Variants in PATJ observed in about 807,000 individuals in gnomAD.
The protein encoded by PATJ is PATJ crumbs cell polarity complex component, also known as inaD-like protein.
PATJ carries 190 observed loss-of-function variants against 224.9 expected under a neutral mutation model. The observed-to-expected ratio is 0.84, with a 90% CI of 0.75 to 0.95. PATJ has a LOEUF of 0.95. Among genes scored for constraint, PATJ ranks in the 40% least tolerant of loss-of-function variants. PATJ has a pLI of 0.00. For missense variants in PATJ, 2,121 were observed against 2,270.3 expected (o/e 0.93, Z 1.34); for synonymous variants, 769 against 820.3 (o/e 0.94, Z 1.07).
chr1:62,153,422 G>A lies in PATJ; in HGVS notation c.5443G>A (p.Gly1815Arg). The A allele has an allele frequency of 8.1e-7, 1 of 1,231,484 alleles. No individual in the cohort carries two copies. The highest frequency in any genetic ancestry group is 1.0e-6 in the Non-Finnish European group (1 of 987,378). The allele number at this position is 1,231,484 out of a possible 1,614,324, so 76.3% of individuals were successfully genotyped here. Residue 1815 changes from glycine (G) to arginine (R), a missense_variant, in exon 43 of 44, where the codon GGG (glycine) becomes AGG (arginine). By Grantham distance (125) the Gly-to-Arg change is moderately radical. Transcript: ENST00000642238. ...TGAAGGCTTGGGGTTTAGTATTGTA[G>A]GGGGTTATGGAAGTCCCCATGGAGA... ...GSEGLGFSIVGGYGSPHGDLP... is the reference protein window; with the variant it reads ...GSEGLGFSIVRGYGSPHGDLP...
intron 32 of PATJ, among the ~76,000 whole-genome samples, chr1:62,082,710 C>T (rs1659433136): frequency 6.6e-6 from 1 of 152,096 alleles, no homozygotes. Flanking sequence ...GTTTGTGTTC[C>T]AATACGACTT....
chr1:61,766,394 C>T lies in PATJ; in HGVS notation c.305C>T (p.Ser102Leu), dbSNP rs190078763. 42 of 1,612,292 alleles carry T rather than the reference C, an allele frequency of 2.6e-5. No homozygotes were observed. The highest frequency in any genetic ancestry group is 2.1e-4 in the African/African-American group (16 of 74,922). The stretch of plus-strand genomic sequence containing the variant: ...AATGTCCACAGGCCCTCTAATAACT[C>T]GACTGTATCTGGGTTATTTCCGTGG... ...NGNVHRPSNNSTVSGLFPWTP... is the reference protein window; with the variant it reads ...NGNVHRPSNNLTVSGLFPWTP... The change falls in exon 4 of 44, where the codon TCG (serine) becomes TTG (leucine). Residue 102 changes from serine (S) to leucine (L), a missense_variant. Ser to Leu is a moderately radical substitution (Grantham distance 145). Transcript: ENST00000642238.
In PATJ at chr1:62,022,518, TG is replaced by T. The variant is rs535045726; in HGVS notation, c.3959+4572del. 8.8e-4 allele frequency among the ~76,000 whole-genome samples: 134 copies of T among 152,296 alleles called. 2 individuals are homozygous for T. The South Asian group carries it at 0.023, about 26-fold the overall frequency. On this transcript the variant is annotated intron_variant, in intron 29 of 43. Transcript: ENST00000642238. ...CGTGTTTGGCATTCTCCCCTTCATGTGAGCACACCAATTTAAGTACAAGAGG... is the reference window on the plus strand; with the variant it reads ...CGTGTTTGGCATTCTCCCCTTCATGTAGCACACCAATTTAAGTACAAGAGG...
At chr1:61,769,105 T>G (rs1036795951) in intron 4 of PATJ, among the ~76,000 whole-genome samples, 178 bp from the exon 5 acceptor site, 1 of 152,180 alleles carries the variant, frequency 6.6e-6, no homozygotes, top group African/African-American at 2.4e-5. Flanking sequence ...CACTCTCTCT[T>G]ACGTTCTACT....
chr1:62,024,941 T>A (rs1225194013), intron 29 of PATJ, among the ~76,000 whole-genome samples: 1 of 152,138 alleles, frequency 6.6e-6, no homozygotes, highest in Non-Finnish European at 1.5e-5. Flanking sequence ...GCTACATCAT[T>A]CTGTTTCCTA....
Position 61,856,231 on chromosome 1 carries a change from C to A in PATJ, c.2314C>A (p.Pro772Thr). 2 of 1,612,516 alleles carry A rather than the reference C, an allele frequency of 1.2e-6. No homozygotes were observed. The highest frequency in any genetic ancestry group is 1.7e-6 in the Non-Finnish European group (2 of 1,178,592). ...CCTAGTACACCTTGGCATCTGTAAG[C>A]CTTTGGTGGTAAGTGTTGTATTTTG... is the stretch of plus-strand genomic sequence containing the variant. Reference protein sequence around the residue: ...PGLVHLGICKPLVEDNEEESC... With the variant: ...PGLVHLGICKTLVEDNEEESC... The change falls in exon 18 of 44, where the codon CCT (proline) becomes ACT (threonine). Residue 772 changes from proline (P) to threonine (T), a missense_variant. Transcript: ENST00000642238.
At chr1:61,860,078 G>A (rs531695931) in intron 18 of PATJ, among the ~76,000 whole-genome samples, 1 of 152,184 alleles carries the variant, frequency 6.6e-6, no homozygotes, top group African/African-American at 2.4e-5. Flanking sequence ...TATTTATATA[G>A]CTATAGTATG....
At chr1:61,982,024 A>G (rs1644478311) in intron 27 of PATJ, among the ~76,000 whole-genome samples, 1 of 151,998 alleles carries the variant, frequency 6.6e-6, no homozygotes, top group South Asian at 2.1e-4. Flanking sequence ...AGTATAGGGC[A>G]GGACACCTGT....
At chr1:61,960,083 T>C (rs757480240) in intron 27 of PATJ, among the ~76,000 whole-genome samples, 3 of 152,160 alleles carry the variant, frequency 2.0e-5, no homozygotes, top group Non-Finnish European at 4.4e-5. Context: ...CAATATTGGG[T>C]ATTCTAATGA....
At chr1:62,070,122 A>G (rs1570437140) in intron 31 of PATJ, among the ~76,000 whole-genome samples, 1 of 152,208 alleles carries the variant, frequency 6.6e-6, no homozygotes, top group Non-Finnish European at 1.5e-5. Context: ...ATTGGGGTTG[A>G]AACCAAGGTC....
At chr1:61,902,136 G>A (rs913870911) in intron 24 of PATJ, among the ~76,000 whole-genome samples, 4 of 151,742 alleles carry the variant, frequency 2.6e-5, no homozygotes, top group Admixed American at 1.3e-4. Flanking sequence ...CAGGAGAATC[G>A]CTGGAACCCT....
chr1:61,744,835 T>A (rs1644944481), intron 1 of PATJ, among the ~76,000 whole-genome samples: 1 of 152,226 alleles, frequency 6.6e-6, no homozygotes, highest in Non-Finnish European at 1.5e-5. Flanking sequence ...CCCCGGCTTC[T>A]GACTAACCAC....
chr1:62,038,820 G>T, intron 30 of PATJ: 1 of 676,668 alleles, frequency 1.5e-6, no homozygotes. Flanking sequence ...AGGGTTCTGG[G>T]CCGGGGTGGA....
chr1:62,057,511 G>A (rs953214625), intron 31 of PATJ, among the ~76,000 whole-genome samples: 5 of 152,198 alleles, frequency 3.3e-5, no homozygotes, highest in Non-Finnish European at 7.3e-5. Context: ...GGCCAGAGCG[G>A]ACGCTGATGC....
intron 32 of PATJ, among the ~76,000 whole-genome samples, chr1:62,080,597 G>A (rs1264422967): frequency 6.6e-6 from 1 of 152,144 alleles, no homozygotes; most frequent in Admixed American, 6.5e-5. Flanking sequence ...CTCCAAAAGT[G>A]CTGGGATTAC....
intron 27 of PATJ, among the ~76,000 whole-genome samples, chr1:61,979,842 G>A (rs921428882): frequency 2.0e-5 from 3 of 151,928 alleles, no homozygotes; most frequent in South Asian, 4.1e-4. Flanking sequence ...TAATGGTAAC[G>A]AACTAGGAGG....
At chr1:61,757,768 C>T (rs1223250675) in intron 1 of PATJ, among the ~76,000 whole-genome samples, 2 of 152,078 alleles carry the variant, frequency 1.3e-5, no homozygotes, top group Non-Finnish European at 2.9e-5. Flanking sequence ...TCTCTCCATC[C>T]TCATGTCTAC....
intron 10 of PATJ, among the ~76,000 whole-genome samples, chr1:61,796,165 A>G (rs1269348890): frequency 2.0e-5 from 3 of 152,190 alleles, no homozygotes; most frequent in Admixed American, 1.3e-4. Flanking sequence ...CTTCAAATCT[A>G]TCTAAGAAAG....
intron 15 of PATJ, among the ~76,000 whole-genome samples, chr1:61,825,204 T>C (rs886831247): frequency 2.0e-5 from 3 of 152,202 alleles, no homozygotes; most frequent in Admixed American, 1.3e-4. Context: ...ATATTATCAC[T>C]GTGAAGAAGG....
Sources: allele counts gnomAD v4.1 joint callset (sites outside exome capture counted in the v4.1 genomes callset), GRCh38; gene constraint gnomAD v4.1.1; transcripts MANE v1.5; gene names NCBI Gene and HGNC (gene_info 2026-07-23, HGNC 2026-07-21).